TTN: variants seen among roughly 807,000 people sequenced by gnomAD.
TTN encodes connectin.
Under a neutral mutation model 3,223.0 loss-of-function variants are expected in TTN, and 1,525 were observed. The observed-to-expected ratio is 0.47, with a 90% CI of 0.45 to 0.49. The LOEUF is 0.49. Ranked by LOEUF, TTN falls within the 20% of genes least tolerant of loss-of-function variation. The probability of loss-of-function intolerance (pLI) is 0.00; values close to 1 mark genes in which losing one functional copy is unlikely to be tolerated. For missense variants in TTN, 40,786 were observed against 43,424.0 expected, an observed-to-expected ratio of 0.94 and a Z score of 5.40; for synonymous variants, 14,094 against 15,161.0, an observed-to-expected ratio of 0.93 and a Z score of 5.17.
In TTN at chr2:178,566,088, C is replaced by T. The variant is rs1195658467; in HGVS notation, c.80044G>A (p.Asp26682Asn). ...KSAFVTVKVL[D>N]TPGPPQNLAV... is the part of the protein sequence containing the mutation. Reference sequence around the variant, plus strand: ...AAATTCTGTGGTGGTCCTGGAGTGTCAAGAACTTTCACAGTTACAAAAGCA... The same window carrying T: ...AAATTCTGTGGTGGTCCTGGAGTGTTAAGAACTTTCACAGTTACAAAAGCA... Residue 26682 changes from aspartate (D) to asparagine (N), a missense_variant, in exon 326 of 363, where the codon GAC (aspartate) becomes AAC (asparagine). Asp to Asn is a conservative substitution (Grantham distance 23). Coordinates refer to ENST00000589042, the MANE Select transcript of TTN (RefSeq NM_001267550.2). 1 of 1,613,506 alleles carries T rather than the reference C, an allele frequency of 6.2e-7. No homozygotes were observed.
In TTN at chr2:178,591,407, A is replaced by T. The variant is rs377636338; in HGVS notation, c.60318T>A (p.Pro20106=). The part of the protein sequence containing the change: ...VRFPAIIRGV[P]VPTAKWTTDG... The stretch of plus-strand genomic sequence containing the variant: ...CGGTTGTCCACTTTGCAGTAGGAAC[A>T]GGCACACCTCTTATAATAGCAGGGA... The change falls in exon 304 of 363, where the codon CCT becomes CCA. Residue 20106 remains proline, a synonymous_variant. Coordinates refer to ENST00000589042, the MANE Select transcript of TTN (RefSeq NM_001267550.2). 32 of 1,611,668 alleles carry T rather than the reference A, an allele frequency of 2.0e-5. No homozygotes were observed. The highest frequency in any genetic ancestry group is 2.7e-5 in the Non-Finnish European group (32 of 1,178,876).
intron 47 of TTN, among the ~76,000 whole-genome samples, chr2:178,743,747 T>C (rs1227978760): frequency 1.3e-5 from 2 of 151,984 alleles, no homozygotes; most frequent in Non-Finnish European, 2.9e-5. Context: ...TGTGACTAAG[T>C]GCAGAATAAA....
rs1179230741 is a variant in TTN, at chr2:178,667,310, G to C, written c.35723C>G (p.Thr11908Arg). 6.2e-7 allele frequency: 1 copy of C among 1,601,862 alleles called. No individual in the cohort carries two copies. Among genetic ancestry groups the C allele is most frequent in the Non-Finnish European group, 8.5e-7 (1 of 1,174,066 alleles). The change falls in exon 162 of 363, where the codon ACA becomes AGA. Residue 11908 changes from threonine (T) to arginine (R), a missense_variant. Thr to Arg is a moderately conservative substitution (Grantham distance 71). Coordinates refer to ENST00000589042, the MANE Select transcript of TTN (RefSeq NM_001267550.2). ...CACCTCTGGAAAAATGCCTCTGGTT[G>C]TATCAGGTTCTTTAAAGATATTAGT... is the stretch of plus-strand genomic sequence containing the variant. ...RETPATKEPDTTRGIFPEVEP... is the reference protein window; with the variant it reads ...RETPATKEPDRTRGIFPEVEP...
In TTN at chr2:178,528,524, T is replaced by G; in HGVS notation, c.107223+4A>C. ...TTCAATAATATATTCATAATTAAAC[T>G]TACTGGCAGGTTGTTTTTAAACCAT... On this transcript the variant is annotated splice_donor_region_variant and intron_variant, in intron 360 of 362. Coordinates refer to ENST00000589042, the MANE Select transcript of TTN (RefSeq NM_001267550.2). 6.2e-7 allele frequency: 1 copy of G among 1,602,122 alleles called. No homozygotes were observed. Among genetic ancestry groups the G allele is most frequent in the Non-Finnish European group, 8.5e-7 (1 of 1,173,090 alleles).
At chr2:178,781,369 C>A in intron 20 of TTN, 106 bp from the exon 21 acceptor site, 1 of 1,290,830 alleles carries the variant, frequency 7.7e-7, no homozygotes, top group Non-Finnish European at 1.1e-6. Context: ...AATTCAATGA[C>A]CCTAAACATA....
intron 47 of TTN, chr2:178,750,918 G>A: frequency 6.2e-7 from 1 of 1,612,696 alleles, no homozygotes; most frequent in Non-Finnish European, 8.5e-7. Flanking sequence ...TCATTTACTA[G>A]AATTTCACCA....
rs1328042181 is a variant in TTN, at chr2:178,775,005, T to A, written c.6706A>T (p.Ile2236Phe). The A allele has an allele frequency of 6.2e-7, 1 of 1,613,750 alleles. No homozygotes were observed. Among genetic ancestry groups the A allele is most frequent in the Non-Finnish European group, 8.5e-7 (1 of 1,179,884 alleles). Reference sequence around the variant, plus strand: ...TAATCTTCAGCATCAGACGTATCAATGGTCAGTATGGAGAGGAAGTGAACC... The same window carrying A: ...TAATCTTCAGCATCAGACGTATCAAAGGTCAGTATGGAGAGGAAGTGAACC... ...RKVHFLSILT[I>F]DTSDAEDYSC... is the part of the protein sequence containing the mutation. The change falls in exon 29 of 363, where the codon ATT (isoleucine) becomes TTT (phenylalanine). Residue 2236 changes from isoleucine to phenylalanine, a missense_variant. By Grantham distance (21) the Ile-to-Phe change is conservative. Transcript: ENST00000589042.
Position 178,764,726 on chromosome 2 carries a change from G to T in TTN, c.9789C>A (p.Ser3263=). The T allele has an allele frequency of 1.2e-6, 2 of 1,614,050 alleles. No individual in the cohort carries two copies. Among genetic ancestry groups the T allele is most frequent in the Non-Finnish European group, 1.7e-6 (2 of 1,179,992 alleles). ...GKPARFCAVI[S]GRPQPKISWY... ...AGGAAATTTTGGGCTGTGGTCTTCC[G>T]GATATCACGGCACAGAAGCGGGCAG... Residue 3263 remains serine (S), a synonymous_variant, in exon 42 of 363, where the codon TCC becomes TCA. Transcript: ENST00000589042.
chr2:178,773,802 A>G (rs1375695516), intron 31 of TTN, 36 bp downstream of exon 31: 41 of 1,613,878 alleles, frequency 2.5e-5, no homozygotes, highest in Non-Finnish European at 3.1e-5. Context: ...ATGTTGCTTA[A>G]TAGTGTAAAC....
chr2:178,712,459 A>G lies in TTN; in HGVS notation c.27463T>C (p.Ser9155Pro). ...GTCGTAGTTATATTACACCTCTGAG[A>G]AGGAGTTACATTTATGCCATTTTTC... ...WKKNGINVTP[S>P]QRCNITTTEK... Residue 9155 changes from serine (S) to proline (P), a missense_variant, in exon 95 of 363, where the codon TCT becomes CCT. Ser to Pro is a moderately conservative substitution (Grantham distance 74). Transcript: ENST00000589042. 6.2e-7 allele frequency: 1 copy of G among 1,613,784 alleles called. No homozygotes were observed. The highest frequency in any genetic ancestry group is 8.5e-7 in the Non-Finnish European group (1 of 1,179,810).
rs2047041688 is a variant in TTN at position 178,578,801 on chromosome 2, C to T, written c.68224+5G>A. On this transcript the variant is annotated splice_donor_5th_base_variant and intron_variant, in intron 320 of 362. Coordinates refer to ENST00000589042, the MANE Select transcript of TTN (RefSeq NM_001267550.2). The stretch of plus-strand genomic sequence containing the variant: ...CTTTACGTCTTCTGAATTTAAGACA[C>T]TTACCAAATGGATGTCTCGCAACAA... The T allele has an allele frequency of 3.7e-6, 6 of 1,609,438 alleles. No individual in the cohort carries two copies. Among genetic ancestry groups the T allele is most frequent in the East Asian group, 4.5e-5 (2 of 44,724 alleles).
chr2:178,742,001 G>C (rs1395137377), intron 47 of TTN, 80 bp from the exon 48 acceptor site: 3 of 1,049,346 alleles, frequency 2.9e-6, no homozygotes, highest in Non-Finnish European at 3.7e-6. Context: ...TTAGACACCA[G>C]TTGATGGCCT....
intron 47 of TTN, chr2:178,751,381 A>G (rs369037447): frequency 2.5e-6 from 4 of 1,606,404 alleles, no homozygotes; most frequent in Non-Finnish European, 2.5e-6. Context: ...AATATTCTTC[A>G]TCATACATGT....
intron 146 of TTN, 157 bp from the exon 147 acceptor site, chr2:178,677,444 C>T: frequency 1.4e-6 from 1 of 707,866 alleles, no homozygotes; most frequent in Non-Finnish European, 2.1e-6. Context: ...TTACAATAGA[C>T]AGATACACAA....
chr2:178,597,644 T>C lies in TTN; in HGVS notation c.57438A>G (p.Ser19146=), dbSNP rs200636917. The change falls in exon 294 of 363, where the codon TCA becomes TCG. Residue 19146 remains serine (S), a synonymous_variant. Coordinates refer to ENST00000589042, the MANE Select transcript of TTN (RefSeq NM_001267550.2). The part of the protein sequence containing the change: ...EATIETTAIS[S]SMVIKNCQRS... Reference sequence around the variant, plus strand: ...TCTGGCAGTTCTTGATGACCATGGATGAGCTAATGGCTGTGGTCTCAATGG... The same window carrying C: ...TCTGGCAGTTCTTGATGACCATGGACGAGCTAATGGCTGTGGTCTCAATGG... 1.9e-6 allele frequency: 3 copies of C among 1,612,498 alleles called. No individual in the cohort carries two copies. The Admixed American group carries it at 5.0e-5, about 27-fold the overall frequency.
chr2:178,777,426 C>T lies in TTN; in HGVS notation c.4639G>A (p.Val1547Met), dbSNP rs750678272. 6.8e-6 allele frequency: 11 copies of T among 1,613,612 alleles called. No homozygotes were observed. Among genetic ancestry groups the T allele is most frequent in the Admixed American group, 6.7e-5 (4 of 59,976 alleles). Reference protein sequence around the residue: ...GRSSISVILTVEAVEHQVKPM... With the variant: ...GRSSISVILTMEAVEHQVKPM... ...TTATTTTATCTCATTTTACCTTCCA[C>T]AGTTAAAATCACTGAAATTGAAGAT... Residue 1547 changes from valine (V) to methionine (M), a missense_variant, in exon 26 of 363, where the codon GTG becomes ATG. Physicochemically the swap from Val to Met is conservative, Grantham distance 21. Coordinates refer to ENST00000589042, the MANE Select transcript of TTN (RefSeq NM_001267550.2).
intron 214 of TTN, 72 bp downstream of exon 214, chr2:178,647,309 A>T: frequency 6.7e-7 from 1 of 1,487,372 alleles, no homozygotes; most frequent in Non-Finnish European, 9.1e-7. Context: ...AATACGTAAG[A>T]TTCATCTACA....
At position 178,735,618 on chromosome 2, in the gene TTN, G is replaced by T. The variant is rs540497678; in HGVS notation, c.14828C>A (p.Ala4943Glu). ...DYKICFEDKI[A>E]TLEIPLAKLK... is the part of the protein sequence containing the mutation. The stretch of plus-strand genomic sequence containing the variant: ...TTTGGCCAAAGGAATCTCAAGTGTT[G>T]CTATTTTATCTTCAAAACAGATCTT... Residue 4943 changes from alanine (A) to glutamate (E), a missense_variant, in exon 50 of 363, where the codon GCA (alanine) becomes GAA (glutamate). Transcript: ENST00000589042. 58 of 1,613,622 alleles carry T rather than the reference G, an allele frequency of 3.6e-5. No homozygotes were observed. The South Asian group carries it at 6.3e-4, about 17-fold the overall frequency.
At position 178,712,469 on chromosome 2, in the gene TTN, A is replaced by G. The variant is rs1425655231; in HGVS notation, c.27453T>C (p.Asn9151=). The part of the protein sequence containing the change: ...ISVTWKKNGI[N]VTPSQRCNIT... Reference sequence around the variant, plus strand: ...TATTACACCTCTGAGAAGGAGTTACATTTATGCCATTTTTCTTCCAGGTAA... The same window carrying G: ...TATTACACCTCTGAGAAGGAGTTACGTTTATGCCATTTTTCTTCCAGGTAA... The change falls in exon 95 of 363, where the codon AAT becomes AAC. Residue 9151 remains asparagine, a synonymous_variant. Coordinates refer to ENST00000589042, the MANE Select transcript of TTN (RefSeq NM_001267550.2). 1.2e-6 allele frequency: 2 copies of G among 1,613,654 alleles called. No homozygotes were observed. The highest frequency in any genetic ancestry group is 4.5e-5 in the East Asian group (2 of 44,874).
Sources: allele counts gnomAD v4.1 joint callset (sites outside exome capture counted in the v4.1 genomes callset), GRCh38; gene constraint gnomAD v4.1.1; transcripts MANE v1.5; gene names NCBI Gene and HGNC (gene_info 2026-07-23, HGNC 2026-07-21).